ACVR1: variants seen among roughly 807,000 people sequenced by gnomAD.
ACVR1 encodes the protein activin receptor type-1.
In ACVR1, 38 loss-of-function variants were observed where a neutral mutation model predicts 57.1. That is an observed-to-expected ratio of 0.67 (90% confidence interval 0.51 to 0.87). The LOEUF (loss-of-function observed/expected upper bound fraction) is 0.87. Among genes scored for constraint, ACVR1 ranks in the 40% least tolerant of loss-of-function variants. ACVR1 has a pLI of 0.00. For synonymous variants in ACVR1, 212 were observed against 228.1 expected, an observed-to-expected ratio of 0.93 and a Z score of 0.63; for missense variants, 463 against 638.2, an observed-to-expected ratio of 0.73 and a Z score of 2.96.
intron 2 of ACVR1, among the ~76,000 whole-genome samples, chr2:157,801,981 T>A (rs1687343462): frequency 6.6e-6 from 1 of 152,178 alleles, no homozygotes; most frequent in South Asian, 2.1e-4. Flanking sequence ...ATCGTGGCAC[T>A]TACAAGATAT....
intron 2 of ACVR1, among the ~76,000 whole-genome samples, chr2:157,809,927 T>C (rs79610050): frequency 2.3e-3 from 344 of 151,592 alleles, no homozygotes; most frequent in Non-Finnish European, 3.7e-3. Context: ...ATAAAGAAAA[T>C]TGGCCAAGCG....
intron 2 of ACVR1, among the ~76,000 whole-genome samples, chr2:157,817,330 G>C (rs999831843): frequency 6.6e-6 from 1 of 152,126 alleles, no homozygotes; most frequent in African/African-American, 2.4e-5. Flanking sequence ...TCTGGAAAAG[G>C]TAAATGCAAG....
intron 2 of ACVR1, among the ~76,000 whole-genome samples, chr2:157,815,046 G>A (rs887471359): frequency 2.0e-5 from 3 of 152,028 alleles, no homozygotes; most frequent in African/African-American, 4.8e-5. Context: ...CCAAGATGGC[G>A]CCACTGCACT....
chr2:157,756,668 G>A (rs1685435933), intron 9 of ACVR1, among the ~76,000 whole-genome samples: 1 of 152,032 alleles, frequency 6.6e-6, no homozygotes, highest in African/African-American at 2.4e-5. Context: ...AGATGTTGGC[G>A]TGGATGCGGC....
At chr2:157,842,388 A>G (rs1278107597) in intron 1 of ACVR1, among the ~76,000 whole-genome samples, 3 of 152,182 alleles carry the variant, frequency 2.0e-5, no homozygotes, top group African/African-American at 7.2e-5. Flanking sequence ...TCCCATATTC[A>G]TTCATGCCTT....
chr2:157,798,609 C>A (rs1290693441), intron 3 of ACVR1, among the ~76,000 whole-genome samples: 1 of 151,924 alleles, frequency 6.6e-6, no homozygotes, highest in Admixed American at 6.6e-5. Flanking sequence ...CTCACTGCAA[C>A]CTCCGCCTCC....
At chr2:157,772,563 G>A (rs1686110053) in intron 6 of ACVR1, among the ~76,000 whole-genome samples, 1 of 152,170 alleles carries the variant, frequency 6.6e-6, no homozygotes, top group African/African-American at 2.4e-5. Context: ...CTTTAAAGGT[G>A]CATTACTATT....
At chr2:157,772,678 A>G (rs1272994987) in intron 6 of ACVR1, among the ~76,000 whole-genome samples, 1 of 152,232 alleles carries the variant, frequency 6.6e-6, no homozygotes, top group Non-Finnish European at 1.5e-5. Context: ...TACCCCTTCA[A>G]TGTCTTCCCA....
chr2:157,807,055 T>C (rs1030119965), intron 2 of ACVR1: 1 of 152,134 alleles, frequency 6.6e-6, no homozygotes, highest in Non-Finnish European at 1.5e-5. Flanking sequence ...TTGACTGAGT[T>C]ACACTATAAA....
chr2:157,872,323 T>A (rs1180967130), intron 1 of ACVR1, among the ~76,000 whole-genome samples: 1 of 152,260 alleles, frequency 6.6e-6, no homozygotes, highest in Non-Finnish European at 1.5e-5. Flanking sequence ...TTAACTTAAA[T>A]ACTGCTTCCA....
intron 1 of ACVR1, among the ~76,000 whole-genome samples, chr2:157,834,754 A>T (rs1009454949): frequency 1.3e-5 from 2 of 152,176 alleles, no homozygotes; most frequent in African/African-American, 4.8e-5. Context: ...CATATGTTGT[A>T]ACCTAATCAC....
intron 3 of ACVR1, 83 bp from the exon 4 acceptor site, chr2:157,780,683 T>C: frequency 6.6e-7 from 1 of 1,505,452 alleles, no homozygotes; most frequent in Admixed American, 1.9e-5. Context: ...GGAATGACCA[T>C]TCCAAACACC....
rs369159673 is a variant in ACVR1 at position 157,781,981 on chromosome 2, A to G, written c.68-1381T>C. On this transcript the variant is annotated intron_variant, in intron 3 of 10. Transcript: ENST00000434821. ...ATAGAGGCTGCCTTCTAATCCCTGA[A>G]CCCTCAGTAGTGGGTCTAGGAGATA... Among the ~76,000 whole-genome samples, 17 of 152,220 alleles carry G rather than the reference A, an allele frequency of 1.1e-4. No individual in the cohort carries two copies. The East Asian group carries it at 1.7e-3, about 16-fold the overall frequency.
intron 1 of ACVR1, among the ~76,000 whole-genome samples, chr2:157,842,038 A>AT (rs1250560373): frequency 6.6e-6 from 1 of 151,246 alleles, no homozygotes; most frequent in Non-Finnish European, 1.5e-5. Flanking sequence ...AAAAAAAAAA[A>AT]AAAAAAATTA....
intron 1 of ACVR1, among the ~76,000 whole-genome samples, chr2:157,872,801 G>A (rs962795427): frequency 6.6e-6 from 1 of 152,110 alleles, no homozygotes; most frequent in African/African-American, 2.4e-5. Context: ...TATTGTGTAT[G>A]TAGGTTATAA....
At chr2:157,814,660 A>C (rs1687867618) in intron 2 of ACVR1, among the ~76,000 whole-genome samples, 1 of 152,234 alleles carries the variant, frequency 6.6e-6, no homozygotes, top group African/African-American at 2.4e-5. Flanking sequence ...ACACGTTTGA[A>C]ATGATGTATA....
At chr2:157,855,365 T>G (rs1689497459) in intron 1 of ACVR1, among the ~76,000 whole-genome samples, 1 of 141,522 alleles carries the variant, frequency 7.1e-6, no homozygotes, top group Admixed American at 7.3e-5. Flanking sequence ...CCGGACGTGG[T>G]GGCTTTCATC....
intron 3 of ACVR1, among the ~76,000 whole-genome samples, chr2:157,784,789 T>TATGATCCTC (rs1357870358): frequency 1.3e-5 from 2 of 152,246 alleles, no homozygotes; most frequent in African/African-American, 4.8e-5. Context: ...TCCTGCTCTG[T>TATGATCCTC]ATGATCCTCA....
Position 157,813,859 on chromosome 2 carries a change from C to T in ACVR1, c.-8+4526G>A, listed in dbSNP as rs143687815. 1.1e-3 allele frequency among the ~76,000 whole-genome samples: 174 copies of T among 152,240 alleles called. 1 individual carries two copies. Among genetic ancestry groups the T allele is most frequent in the African/African-American group, 4.1e-3 (169 of 41,524 alleles). ...AGAGAAAAATTCATTTGAATTCATA[C>T]CTAATATTTCAGATGGATCAAAGAC... On this transcript the variant is annotated intron_variant, in intron 2 of 10. Transcript: ENST00000434821.
Sources: gnomAD v4.1 joint callset for allele counts (sites outside exome capture counted in the v4.1 genomes callset) on GRCh38, gnomAD v4.1.1 for gene constraint, MANE v1.5 for transcripts, NCBI Gene and HGNC (gene_info 2026-07-23, HGNC 2026-07-21) for gene names.